The following ZNF704 variants were observed in gnomAD, a reference collection of about 807,000 sequenced individuals.
ZNF704 encodes the protein glucocorticoid induced gene 1.
Under a neutral mutation model 44.7 loss-of-function variants are expected in ZNF704, and 10 were observed. The observed-to-expected ratio is 0.22, with a 90% CI of 0.14 to 0.38. ZNF704 has a LOEUF of 0.38. Ranked by LOEUF, ZNF704 falls within the 10% of genes least tolerant of loss-of-function variation. ZNF704 has a pLI of 1.00. For missense variants in ZNF704, 390 were observed against 545.5 expected (o/e 0.71, Z 2.84); for synonymous variants, 211 against 207.6 (o/e 1.02, Z -0.14).
chr8:80,647,313 T>C (rs1364616477), intron 7 of ZNF704, among the ~76,000 whole-genome samples: 1 of 152,134 alleles, frequency 6.6e-6, no homozygotes, highest in Non-Finnish European at 1.5e-5. Context: ...ACCTTTCACC[T>C]ACAAGGCACT....
At chr8:80,828,481 G>A (rs1808417020) in intron 1 of ZNF704, among the ~76,000 whole-genome samples, 2 of 152,064 alleles carry the variant, frequency 1.3e-5, no homozygotes, top group African/African-American at 4.8e-5. Context: ...TAATCAGTGG[G>A]GTGTATTTCA....
At chr8:80,858,770 A>T (rs1176186421) in intron 1 of ZNF704, among the ~76,000 whole-genome samples, 3 of 152,226 alleles carry the variant, frequency 2.0e-5, no homozygotes, top group Admixed American at 2.0e-4. Flanking sequence ...TTTCTAGTTA[A>T]ATTTTTATTA....
chr8:80,662,506 T>C (rs969266809), intron 6 of ZNF704, among the ~76,000 whole-genome samples: 2 of 152,216 alleles, frequency 1.3e-5, no homozygotes, highest in African/African-American at 4.8e-5. Context: ...AATGAATTAT[T>C]CGTTTTGACC....
intron 1 of ZNF704, among the ~76,000 whole-genome samples, chr8:80,846,219 C>T (rs538870670): frequency 6.6e-5 from 10 of 152,196 alleles, no homozygotes; most frequent in Non-Finnish European, 1.2e-4. Context: ...GACTTGCACA[C>T]CTTCACTGAT....
intron 2 of ZNF704, among the ~76,000 whole-genome samples, chr8:80,792,494 C>G (rs1049126863): frequency 6.6e-6 from 1 of 152,162 alleles, no homozygotes; most frequent in East Asian, 1.9e-4. Flanking sequence ...TGAGTGTGGG[C>G]TGGCCTAGTG....
At chr8:80,849,859 T>C (rs373650639) in intron 1 of ZNF704, among the ~76,000 whole-genome samples, 69 of 152,360 alleles carry the variant, frequency 4.5e-4, no homozygotes, top group Admixed American at 1.1e-3. Context: ...TTTACACTTA[T>C]ATAGCTTAAA....
intron 4 of ZNF704, 23 bp from the exon 5 acceptor site, chr8:80,670,626 T>A: frequency 6.7e-7 from 1 of 1,488,284 alleles, no homozygotes; most frequent in Non-Finnish European, 9.4e-7. Flanking sequence ...GAGAGTGATA[T>A]TAGAATGGAA....
chr8:80,788,253 C>T (rs1586027830), intron 2 of ZNF704, among the ~76,000 whole-genome samples: 1 of 152,118 alleles, frequency 6.6e-6, no homozygotes, highest in East Asian at 1.9e-4. Flanking sequence ...TTAGCAAATG[C>T]TGGTCTTGAG....
chr8:80,792,636 T>A (rs765616647), intron 2 of ZNF704, among the ~76,000 whole-genome samples: 5 of 152,170 alleles, frequency 3.3e-5, no homozygotes, highest in Admixed American at 6.5e-5. Flanking sequence ...ATACATGAGA[T>A]CCTTTTAACA....
At chr8:80,727,029 C>A (rs954469882) in intron 2 of ZNF704, among the ~76,000 whole-genome samples, 1 of 151,860 alleles carries the variant, frequency 6.6e-6, no homozygotes, top group Non-Finnish European at 1.5e-5. Context: ...GATTATTATC[C>A]CCATTTTACA....
intron 1 of ZNF704, among the ~76,000 whole-genome samples, chr8:80,846,827 AAC>A (rs1183926686): frequency 6.6e-6 from 1 of 152,214 alleles, no homozygotes; most frequent in Non-Finnish European, 1.5e-5. Context: ...ACATACAAAA[AAC>A]AGTCACATTT....
chr8:80,735,574 C>T (rs1346494062), intron 2 of ZNF704, among the ~76,000 whole-genome samples: 2 of 152,160 alleles, frequency 1.3e-5, no homozygotes, highest in East Asian at 1.9e-4. Flanking sequence ...CATTGGACAG[C>T]GATGAGCCTG....
chr8:80,842,632 C>G (rs1808700659), intron 1 of ZNF704, among the ~76,000 whole-genome samples: 1 of 152,132 alleles, frequency 6.6e-6, no homozygotes. Flanking sequence ...AAATAGTGAT[C>G]AAACCAGGAA....
intron 1 of ZNF704, among the ~76,000 whole-genome samples, chr8:80,846,149 T>C (rs549908382): frequency 1.4e-4 from 21 of 152,194 alleles, no homozygotes; most frequent in Non-Finnish European, 2.6e-4. Flanking sequence ...TTGTAGAGAT[T>C]TGCCTCTCCA....
chr8:80,766,013 G>A lies in ZNF704; in HGVS notation c.221+55361C>T, dbSNP rs569158141. Among the ~76,000 whole-genome samples, 6 of 152,138 alleles carry A rather than the reference G, an allele frequency of 3.9e-5. No homozygotes were observed. The East Asian group carries it at 5.8e-4, about 15-fold the overall frequency. On this transcript the variant is annotated intron_variant, in intron 2 of 8. Coordinates refer to ENST00000327835, the MANE Select transcript of ZNF704 (RefSeq NM_001033723.3). Reference sequence around the variant, plus strand: ...ATTTCATTTAGCAATTAAAAAAAAAGTTTAGTGAACTTTACTATTTCCTTG... The same window carrying A: ...ATTTCATTTAGCAATTAAAAAAAAAATTTAGTGAACTTTACTATTTCCTTG...
At chr8:80,813,629 G>A (rs886954558) in intron 2 of ZNF704, among the ~76,000 whole-genome samples, 10 of 152,182 alleles carry the variant, frequency 6.6e-5, no homozygotes, top group African/African-American at 2.4e-4. Flanking sequence ...TGTAATCCCA[G>A]CACTTTGGGA....
chr8:80,865,871 G>A (rs982282616), intron 1 of ZNF704, among the ~76,000 whole-genome samples: 1 of 151,992 alleles, frequency 6.6e-6, no homozygotes, highest in Admixed American at 6.5e-5. Context: ...AGGAGAGTCT[G>A]AACATTACAG....
intron 2 of ZNF704, among the ~76,000 whole-genome samples, chr8:80,740,297 G>A (rs912581901): frequency 1.4e-4 from 21 of 152,160 alleles, no homozygotes; most frequent in African/African-American, 5.1e-4. Flanking sequence ...GTTGTCCCCT[G>A]CTTGAGGAAG....
At chr8:80,865,719 G>C (rs1039165000) in intron 1 of ZNF704, among the ~76,000 whole-genome samples, 11 of 152,092 alleles carry the variant, frequency 7.2e-5, no homozygotes, top group Admixed American at 6.6e-4. Flanking sequence ...GTTGTCACTG[G>C]TGACCATCAG....
Sources: allele counts gnomAD v4.1 joint callset (sites outside exome capture counted in the v4.1 genomes callset), GRCh38; gene constraint gnomAD v4.1.1; transcripts MANE v1.5; gene names NCBI Gene and HGNC (gene_info 2026-07-23, HGNC 2026-07-21).